Variants in CAP2 observed in about 807,000 individuals in gnomAD.
CAP2 encodes the protein cyclase associated actin cytoskeleton regulatory protein 2.
In CAP2, 24 loss-of-function variants were observed where a neutral mutation model predicts 57.7. That is an observed-to-expected ratio of 0.42 (90% confidence interval 0.30 to 0.58). The LOEUF (loss-of-function observed/expected upper bound fraction) is 0.58, where lower values mean the gene tolerates loss of function less well. CAP2 is among the 20% of genes least tolerant of loss of function. The pLI, the probability that CAP2 is intolerant of heterozygous loss-of-function variation, is 0.22. For synonymous variants in CAP2, 194 were observed against 207.2 expected, an observed-to-expected ratio of 0.94 and a Z score of 0.55; for missense variants, 501 against 590.3, an observed-to-expected ratio of 0.85 and a Z score of 1.57.
In CAP2 at chr6:17,553,740, A is replaced by G. The variant is rs1009722265; in HGVS notation, c.1350+2136A>G. 2.6e-5 allele frequency among the ~76,000 whole-genome samples: 4 copies of G among 152,218 alleles called. No homozygotes were observed. In the South Asian group the frequency reaches 8.3e-4, roughly 32 times the overall value. On this transcript the variant is annotated intron_variant, in intron 12 of 12. Coordinates refer to ENST00000229922, the MANE Select transcript of CAP2 (RefSeq NM_006366.3). Reference sequence around the variant, plus strand: ...TAGGGAACAACACAGAGGACCTGCCATGGGCATTATGGTGTGGGAATGGAT... The same window carrying G: ...TAGGGAACAACACAGAGGACCTGCCGTGGGCATTATGGTGTGGGAATGGAT...
chr6:17,435,722 AAAAAAAAAAAC>A (rs1214052951), intron 3 of CAP2, among the ~76,000 whole-genome samples: 6 of 145,844 alleles, frequency 4.1e-5, no homozygotes, highest in East Asian at 2.0e-4. Flanking sequence ...ACGGATAAAA[AAAAAAAAAAAC>A]AAAAAAAAAA....
chr6:17,429,705 A>G (rs1368728388), intron 3 of CAP2, among the ~76,000 whole-genome samples: 1 of 152,226 alleles, frequency 6.6e-6, no homozygotes, highest in Non-Finnish European at 1.5e-5. Context: ...GAAGGAAAAG[A>G]ATAGAAGACA....
intron 7 of CAP2, chr6:17,531,448 C>T: frequency 6.5e-7 from 1 of 1,536,470 alleles, no homozygotes; most frequent in Non-Finnish European, 8.9e-7. Context: ...CAGTTCTGTA[C>T]ATCTGCCTAT....
At chr6:17,550,124 T>G (rs549267917) in intron 11 of CAP2, among the ~76,000 whole-genome samples, 4 of 152,174 alleles carry the variant, frequency 2.6e-5, no homozygotes, top group Admixed American at 2.6e-4. Flanking sequence ...ATCCCAGCAC[T>G]TTGGGAGGCC....
intron 7 of CAP2, among the ~76,000 whole-genome samples, chr6:17,538,969 C>T (rs1762837272): frequency 1.3e-5 from 2 of 152,312 alleles, no homozygotes; most frequent in South Asian, 4.1e-4. Flanking sequence ...GATCCTGAGC[C>T]TTGGACCTGG....
Position 17,517,769 on chromosome 6 carries a change from C to T in CAP2, c.636+3815C>T, listed in dbSNP as rs148479682. Among the ~76,000 whole-genome samples, 91 of 152,108 alleles carry T rather than the reference C, an allele frequency of 6.0e-4. No homozygotes were observed. The East Asian group carries it at 0.01, about 17-fold the overall frequency. ...TACAAAAATTAGCCAGGCATGGTGG[C>T]GGGCACCTGTAATCCCAGCTACTTG... On this transcript the variant is annotated intron_variant, in intron 7 of 12. Transcript: ENST00000229922.
chr6:17,434,585 G>A (rs1017876106), intron 3 of CAP2, among the ~76,000 whole-genome samples: 6 of 152,324 alleles, frequency 3.9e-5, no homozygotes, highest in Admixed American at 2.6e-4. Flanking sequence ...GCCAGGAAAA[G>A]CACCACGTGT....
At chr6:17,503,833 A>G (rs1230184561) in intron 4 of CAP2, among the ~76,000 whole-genome samples, 1 of 152,174 alleles carries the variant, frequency 6.6e-6, no homozygotes, top group Non-Finnish European at 1.5e-5. Flanking sequence ...CTCTGATTCA[A>G]GGTCTTTTCA....
intron 4 of CAP2, among the ~76,000 whole-genome samples, chr6:17,505,059 A>G (rs1329126051): frequency 1.3e-5 from 2 of 152,198 alleles, no homozygotes; most frequent in Non-Finnish European, 2.9e-5. Context: ...TCATGGAAAT[A>G]ATAATAATTA....
chr6:17,555,876 ATT>A (rs1214224564), intron 12 of CAP2, among the ~76,000 whole-genome samples: 1 of 152,060 alleles, frequency 6.6e-6, no homozygotes, highest in Non-Finnish European at 1.5e-5. Context: ...CAGAATCTGC[ATT>A]TTCATAAGAT....
At chr6:17,413,667 AT>A (rs1390210392) in intron 1 of CAP2, among the ~76,000 whole-genome samples, 1 of 152,226 alleles carries the variant, frequency 6.6e-6, no homozygotes, top group East Asian at 1.9e-4. Context: ...CCATTACCCA[AT>A]TAGTAATAGT....
intron 12 of CAP2, among the ~76,000 whole-genome samples, 182 bp from the exon 13 acceptor site, chr6:17,556,177 A>C (rs1438935183): frequency 1.3e-5 from 2 of 152,220 alleles, no homozygotes; most frequent in Non-Finnish European, 2.9e-5. Flanking sequence ...CAGAACTGAC[A>C]CATGACATAC....
chr6:17,500,385 T>TATATATATATATA (rs1761787036), intron 4 of CAP2, among the ~76,000 whole-genome samples: 1 of 20,118 alleles, frequency 5.0e-5, no homozygotes, highest in Non-Finnish European at 1.4e-4. Context: ...ATATATATAT[T>TATATATATATATA]TGGAGACGGA....
At chr6:17,487,563 G>C (rs1029720782) in intron 4 of CAP2, among the ~76,000 whole-genome samples, 1 of 152,116 alleles carries the variant, frequency 6.6e-6, no homozygotes, top group East Asian at 1.9e-4. Flanking sequence ...TCCGCCTCCC[G>C]GGTTCAAGCG....
intron 4 of CAP2, among the ~76,000 whole-genome samples, chr6:17,492,496 A>G (rs1761568669): frequency 6.6e-6 from 1 of 152,176 alleles, no homozygotes; most frequent in Admixed American, 6.5e-5. Context: ...CCGGCGTCCA[A>G]AGTGGCTGGA....
At chr6:17,450,244 G>T (rs1852969) in intron 3 of CAP2, among the ~76,000 whole-genome samples, 16,804 of 151,844 alleles carry the variant, frequency 0.11, 3,031 homozygotes, top group African/African-American at 0.38. Flanking sequence ...GTAGAGACGG[G>T]GTTTCACCAT....
intron 1 of CAP2, among the ~76,000 whole-genome samples, chr6:17,405,529 T>A (rs1758939485): frequency 6.8e-6 from 1 of 148,066 alleles, no homozygotes; most frequent in South Asian, 2.1e-4. Flanking sequence ...TCTCTCTCTC[T>A]CAAAATATCT....
At chr6:17,496,470 T>C (rs1761671858) in intron 4 of CAP2, among the ~76,000 whole-genome samples, 1 of 152,054 alleles carries the variant, frequency 6.6e-6, no homozygotes, top group South Asian at 2.1e-4. Context: ...TGGGATGCAT[T>C]GCTCTGTTTT....
At chr6:17,491,002 A>T (rs969065531) in intron 4 of CAP2, among the ~76,000 whole-genome samples, 3 of 152,180 alleles carry the variant, frequency 2.0e-5, no homozygotes, top group African/African-American at 7.2e-5. Flanking sequence ...AAACCACAGG[A>T]CGTGTGCTAC....
Sources: gnomAD v4.1 joint callset for allele counts (sites outside exome capture counted in the v4.1 genomes callset) on GRCh38, gnomAD v4.1.1 for gene constraint, MANE v1.5 for transcripts, NCBI Gene and HGNC (gene_info 2026-07-23, HGNC 2026-07-21) for gene names.